KCNT2: variants seen among roughly 807,000 people sequenced by gnomAD.
KCNT2 encodes potassium sodium-activated channel subfamily T member 2.
KCNT2 carries 67 observed loss-of-function variants against 153.8 expected under a neutral mutation model. That is an observed-to-expected ratio of 0.44 (90% CI 0.36 to 0.53). The LOEUF (loss-of-function observed/expected upper bound fraction) is 0.53. Among genes scored for constraint, KCNT2 ranks in the 20% least tolerant of loss-of-function variants. The pLI is 0.00. For missense variants in KCNT2, 975 were observed against 1,354.8 expected (o/e 0.72, Z 4.40); for synonymous variants, 500 against 458.8 (o/e 1.09, Z -1.15).
chr1:196,555,570 A>G (rs1423674395), intron 1 of KCNT2, among the ~76,000 whole-genome samples: 2 of 151,458 alleles, frequency 1.3e-5, no homozygotes, highest in African/African-American at 4.8e-5. Context: ...TAAAATGTCC[A>G]TACGACCCAA....
rs556729907 is a variant in KCNT2 at position 196,422,786 on chromosome 1, AT to A, written c.1185+263del. On this transcript the variant is annotated intron_variant, in intron 12 of 27. Coordinates refer to ENST00000294725, the MANE Select transcript of KCNT2 (RefSeq NM_198503.5). ...TATCATAAGACATACTTAATAAAAA[AT>A]GTTCCAGTTCTGTTTATATATGATT... 4.3e-4 allele frequency among the ~76,000 whole-genome samples: 66 copies of A among 152,060 alleles called. 1 individual carries two copies. The highest frequency in any genetic ancestry group is 1.4e-3 in the African/African-American group (59 of 41,552).
chr1:196,300,616 T>G (rs1023369119), intron 22 of KCNT2, among the ~76,000 whole-genome samples: 3 of 152,110 alleles, frequency 2.0e-5, no homozygotes, highest in African/African-American at 7.2e-5. Context: ...CCTCCCTAAT[T>G]TATTACCATG....
At chr1:196,235,774 G>T (rs1654379102) in intron 27 of KCNT2, among the ~76,000 whole-genome samples, 1 of 151,184 alleles carries the variant, frequency 6.6e-6, no homozygotes, top group Non-Finnish European at 1.5e-5. Context: ...AATTCATGCT[G>T]CTATTTCTTT....
chr1:196,443,924 C>G (rs1187278984), intron 8 of KCNT2, among the ~76,000 whole-genome samples: 1 of 151,222 alleles, frequency 6.6e-6, no homozygotes, highest in Non-Finnish European at 1.5e-5. Context: ...AACACACTAC[C>G]CATACTGCTA....
intron 1 of KCNT2, among the ~76,000 whole-genome samples, chr1:196,589,383 G>A (rs894145730): frequency 3.3e-5 from 5 of 151,898 alleles, no homozygotes; most frequent in Admixed American, 6.6e-5. Flanking sequence ...AGAATTTAAC[G>A]TAGTATTTGT....
At chr1:196,260,808 A>G (rs1029879122) in intron 25 of KCNT2, among the ~76,000 whole-genome samples, 4 of 151,860 alleles carry the variant, frequency 2.6e-5, no homozygotes, top group African/African-American at 7.2e-5. Context: ...ATAAAACTGC[A>G]TAGCCCCTAT....
intron 20 of KCNT2, 78 bp from the exon 21 acceptor site, chr1:196,316,104 T>G: frequency 7.8e-7 from 1 of 1,289,444 alleles, no homozygotes; most frequent in Non-Finnish European, 1.1e-6. Context: ...TCTAGCACTA[T>G]CCCCTGTGCT....
intron 16 of KCNT2, among the ~76,000 whole-genome samples, chr1:196,338,948 CAAAAAAAAA>C (rs976388530): frequency 2.9e-4 from 11 of 37,734 alleles, no homozygotes; most frequent in Admixed American, 2.5e-3. Flanking sequence ...TGCTTTTTAG[CAAAAAAAAA>C]AAAAAAAAAA....
chr1:196,417,747 C>T (rs1672870001), intron 12 of KCNT2, among the ~76,000 whole-genome samples: 1 of 152,088 alleles, frequency 6.6e-6, no homozygotes, highest in African/African-American at 2.4e-5. Context: ...TGTCATTGGG[C>T]ATAGACTGTA....
intron 1 of KCNT2, among the ~76,000 whole-genome samples, chr1:196,574,259 G>T (rs1017326100): frequency 9.2e-5 from 14 of 151,718 alleles, no homozygotes; most frequent in Admixed American, 9.2e-4. Flanking sequence ...GTGTCTTATT[G>T]TATGTTAATC....
At chr1:196,394,622 G>A (rs1200145894) in intron 13 of KCNT2, among the ~76,000 whole-genome samples, 1 of 151,448 alleles carries the variant, frequency 6.6e-6, no homozygotes, top group Admixed American at 6.6e-5. Flanking sequence ...AGCTCATAGT[G>A]GATACTGAAG....
At chr1:196,607,049 A>G (rs1665395580) in intron 1 of KCNT2, among the ~76,000 whole-genome samples, 1 of 152,202 alleles carries the variant, frequency 6.6e-6, no homozygotes, top group Non-Finnish European at 1.5e-5. Flanking sequence ...AATTACTAAT[A>G]TGAGACCAAA....
chr1:196,240,754 G>T (rs552438414), intron 26 of KCNT2, among the ~76,000 whole-genome samples: 1 of 152,102 alleles, frequency 6.6e-6, no homozygotes, highest in South Asian at 2.1e-4. Flanking sequence ...CTTTACCCTT[G>T]GTCAGCAGTT....
intron 16 of KCNT2, among the ~76,000 whole-genome samples, chr1:196,336,663 C>T (rs1165619436): frequency 6.6e-6 from 1 of 152,110 alleles, no homozygotes; most frequent in Non-Finnish European, 1.5e-5. Context: ...TAGCATTGTC[C>T]ACCACCACTC....
At chr1:196,255,719 G>T (rs899239827) in intron 26 of KCNT2, among the ~76,000 whole-genome samples, 5 of 151,806 alleles carry the variant, frequency 3.3e-5, no homozygotes, top group African/African-American at 1.2e-4. Context: ...ACATTTTAGT[G>T]CCAAACTTAC....
At position 196,398,615 on chromosome 1, in the gene KCNT2, A is replaced by C. The variant is rs201221457; in HGVS notation, c.1242T>G (p.Pro414=). ...CAGGCTTTAATATCTGGACATACAAAGGACAATTTGGAGCAAAATCTTTCA... is the reference window on the plus strand; with the variant it reads ...CAGGCTTTAATATCTGGACATACAACGGACAATTTGGAGCAAAATCTTTCA... ...WAVKDFAPNC[P]LYVQILKPEN... is the part of the protein sequence containing the mutation. The change falls in exon 13 of 28, where the codon CCT becomes CCG. Residue 414 remains proline (P), a synonymous_variant. Transcript: ENST00000294725. The C allele has an allele frequency of 1.2e-4, 193 of 1,609,130 alleles. 2 individuals are homozygous for C. In the South Asian group the frequency reaches 1.9e-3, roughly 16 times the overall value.
intron 12 of KCNT2, among the ~76,000 whole-genome samples, chr1:196,422,436 T>TA (rs537912114): frequency 6.6e-6 from 1 of 151,814 alleles, no homozygotes; most frequent in East Asian, 1.9e-4. Context: ...ATGAAGCACT[T>TA]AAAAAAATTA....
At chr1:196,377,956 G>C (rs1169522694) in intron 13 of KCNT2, among the ~76,000 whole-genome samples, 2 of 152,016 alleles carry the variant, frequency 1.3e-5, no homozygotes, top group African/African-American at 4.8e-5. Context: ...TGGTGATATG[G>C]ACAGGGCAAC....
intron 1 of KCNT2, among the ~76,000 whole-genome samples, chr1:196,593,673 C>T (rs1281646826): frequency 6.6e-6 from 1 of 151,816 alleles, no homozygotes; most frequent in Admixed American, 6.6e-5. Context: ...AATATATACA[C>T]CTACCATGTA....
Sources: gnomAD v4.1 joint callset for allele counts (sites outside exome capture counted in the v4.1 genomes callset) on GRCh38, gnomAD v4.1.1 for gene constraint, MANE v1.5 for transcripts, NCBI Gene and HGNC (gene_info 2026-07-23, HGNC 2026-07-21) for gene names.